PRKCA: variants seen among roughly 807,000 people sequenced by gnomAD.
The protein encoded by PRKCA is protein kinase C alpha.
In PRKCA, 27 loss-of-function variants were observed where a neutral mutation model predicts 87.0. The ratio of observed to expected loss-of-function variants is 0.31; its 90% CI spans 0.23 to 0.43. The LOEUF (loss-of-function observed/expected upper bound fraction) is 0.43, where lower values mean the gene tolerates loss of function less well. Among genes scored for constraint, PRKCA ranks in the 20% least tolerant of loss-of-function variants. The probability of loss-of-function intolerance (pLI) is 1.00; values close to 1 mark genes in which losing one functional copy is unlikely to be tolerated. For synonymous variants in PRKCA, 329 were observed against 311.1 expected (o/e 1.06, Z -0.61); for missense variants, 518 against 852.3 (o/e 0.61, Z 4.88).
intron 2 of PRKCA, among the ~76,000 whole-genome samples, chr17:66,404,940 G>A (rs950205549): frequency 4.6e-5 from 7 of 151,884 alleles, no homozygotes; most frequent in African/African-American, 1.7e-4. Flanking sequence ...AGTAGAGACG[G>A]GGTTTCACCA....
intron 13 of PRKCA, among the ~76,000 whole-genome samples, chr17:66,756,095 T>G (rs1354411285): frequency 2.6e-5 from 4 of 152,150 alleles, no homozygotes; most frequent in African/African-American, 9.7e-5. Context: ...TTTGGAGTTT[T>G]CCCTCAGGAA....
chr17:66,611,761 T>A (rs1424886734), intron 3 of PRKCA, among the ~76,000 whole-genome samples: 1 of 152,202 alleles, frequency 6.6e-6, no homozygotes, highest in Non-Finnish European at 1.5e-5. Flanking sequence ...CTGAAGTGGT[T>A]ACACCATTTT....
rs1555602396 is a variant in PRKCA, at chr17:66,424,568, A to AAACACACACACACAC, written c.206-71632_206-71631insACACACACACACACA. Among the ~76,000 whole-genome samples, 92 of 142,054 alleles carry AAACACACACACACAC rather than the reference A, an allele frequency of 6.5e-4. 1 individual carries two copies. The highest frequency in any genetic ancestry group is 2.5e-3 in the East Asian group (12 of 4,798). 93.2% of individuals were successfully genotyped at this position (142,054 alleles called of 152,430 possible). A position where few individuals can be genotyped will look rare whatever the true frequency, so the allele number is the denominator to read the frequency against. On this transcript the variant is annotated intron_variant, in intron 2 of 16. Transcript: ENST00000413366. ...GGCAGCAGAGCACGACCCTGTCTCA[A>AAACACACACACACAC]ACACACACACACACACACACACACA... is the stretch of plus-strand genomic sequence containing the variant.
rs187075256 is a variant in PRKCA at position 66,664,101 on chromosome 17, C to T, written c.529+18590C>T. ...CGGGCAGGTCTCGAACTCCTGGCCT[C>T]AAGTGATCCACCCGCCTCGGGCTCC... On this transcript the variant is annotated intron_variant, in intron 5 of 16. Transcript: ENST00000413366. 1.0e-3 allele frequency among the ~76,000 whole-genome samples: 156 copies of T among 152,228 alleles called. 2 individuals carry two copies. The highest frequency in any genetic ancestry group is 1.2e-3 in the East Asian group (6 of 5,178).
At chr17:66,660,199 G>A (rs931682901) in intron 5 of PRKCA, among the ~76,000 whole-genome samples, 2 of 152,280 alleles carry the variant, frequency 1.3e-5, no homozygotes, top group African/African-American at 4.8e-5. Flanking sequence ...ACAAAGAACA[G>A]CAGTCAGAGT....
intron 3 of PRKCA, among the ~76,000 whole-genome samples, chr17:66,584,979 C>T (rs1969547591): frequency 6.6e-6 from 1 of 151,628 alleles, no homozygotes; most frequent in Non-Finnish European, 1.5e-5. Context: ...GTTTAATAGG[C>T]AAGAGAAAGA....
chr17:66,483,749 C>T (rs906745353), intron 2 of PRKCA, among the ~76,000 whole-genome samples: 5 of 152,030 alleles, frequency 3.3e-5, no homozygotes, highest in Admixed American at 6.5e-5. Context: ...AGTGAGCCAC[C>T]GCACCCAGCC....
chr17:66,579,161 C>A (rs1302679798), intron 3 of PRKCA, among the ~76,000 whole-genome samples: 1 of 152,144 alleles, frequency 6.6e-6, no homozygotes, highest in Admixed American at 6.5e-5. Flanking sequence ...GCTTTGCCCC[C>A]CATTGAACAG....
intron 2 of PRKCA, among the ~76,000 whole-genome samples, chr17:66,312,179 A>G (rs1025123364): frequency 1.3e-5 from 2 of 152,062 alleles, no homozygotes; most frequent in African/African-American, 4.8e-5. Flanking sequence ...ACGGAGTTTC[A>G]CCATATTGGC....
chr17:66,677,817 G>T (rs540676332), intron 5 of PRKCA, among the ~76,000 whole-genome samples: 6 of 152,200 alleles, frequency 3.9e-5, no homozygotes, highest in African/African-American at 1.4e-4. Context: ...GTCAGTAAAG[G>T]CCTCTTTGTT....
At chr17:66,371,511 T>C (rs557628555) in intron 2 of PRKCA, among the ~76,000 whole-genome samples, 27 of 152,308 alleles carry the variant, frequency 1.8e-4, no homozygotes. Context: ...TGGGTTTACA[T>C]CTCAGCTCTG....
chr17:66,753,867 C>A (rs187149175), intron 13 of PRKCA, among the ~76,000 whole-genome samples: 2 of 152,272 alleles, frequency 1.3e-5, no homozygotes, highest in African/African-American at 4.8e-5. Context: ...CTGCTGGCAC[C>A]TTCATCCTGG....
intron 3 of PRKCA, among the ~76,000 whole-genome samples, chr17:66,535,333 C>T (rs1037968493): frequency 1.2e-4 from 19 of 152,318 alleles, no homozygotes; most frequent in African/African-American, 4.3e-4. Context: ...AATAGGCCAT[C>T]TGTTGATCTG....
At chr17:66,564,725 T>TA (rs1334386561) in intron 3 of PRKCA, among the ~76,000 whole-genome samples, 1 of 152,198 alleles carries the variant, frequency 6.6e-6, no homozygotes, top group African/African-American at 2.4e-5. Flanking sequence ...CTCATGCCTG[T>TA]AATCCCAGCA....
intron 8 of PRKCA, among the ~76,000 whole-genome samples, chr17:66,730,449 C>A (rs1280796356): frequency 1.3e-5 from 2 of 152,180 alleles, no homozygotes; most frequent in Admixed American, 1.3e-4. Context: ...GTGGTTATTT[C>A]TTGATCAAAT....
At chr17:66,631,549 G>A (rs1205329250) in intron 3 of PRKCA, among the ~76,000 whole-genome samples, 1 of 152,082 alleles carries the variant, frequency 6.6e-6, no homozygotes, top group Admixed American at 6.5e-5. Context: ...CTCCCAAATA[G>A]CTGGGACCAC....
chr17:66,339,037 A>T (rs892189319), intron 2 of PRKCA, among the ~76,000 whole-genome samples: 6 of 152,174 alleles, frequency 3.9e-5, no homozygotes, highest in Non-Finnish European at 8.8e-5. Flanking sequence ...TGAGGGGAGA[A>T]ACTAGATAGG....
chr17:66,571,829 T>C (rs1969087278), intron 3 of PRKCA, among the ~76,000 whole-genome samples: 1 of 152,182 alleles, frequency 6.6e-6, no homozygotes, highest in South Asian at 2.1e-4. Context: ...GTGGTAGATC[T>C]TACCACTGAG....
intron 3 of PRKCA, among the ~76,000 whole-genome samples, chr17:66,560,097 C>T (rs917312589): frequency 1.3e-5 from 2 of 152,132 alleles, no homozygotes; most frequent in Non-Finnish European, 2.9e-5. Flanking sequence ...AGGATGTGTT[C>T]TTCCAAATAA....
Sources: allele counts gnomAD v4.1 joint callset (sites outside exome capture counted in the v4.1 genomes callset), GRCh38; gene constraint gnomAD v4.1.1; transcripts MANE v1.5; gene names NCBI Gene and HGNC (gene_info 2026-07-23, HGNC 2026-07-21).